IFRD1: variants seen among roughly 807,000 people sequenced by gnomAD.
The protein encoded by IFRD1 is interferon-related developmental regulator 1.
Under a neutral mutation model 52.9 loss-of-function variants are expected in IFRD1, and 35 were observed. The ratio of observed to expected loss-of-function variants is 0.66; its 90% CI spans 0.51 to 0.88. IFRD1 has a LOEUF of 0.88. IFRD1 is among the 40% of genes least tolerant of loss of function. IFRD1 has a pLI of 0.00. For synonymous variants in IFRD1, 184 were observed against 188.4 expected, an observed-to-expected ratio of 0.98 and a Z score of 0.19; for missense variants, 517 against 550.8, an observed-to-expected ratio of 0.94 and a Z score of 0.61.
chr7:112,471,111 G>A (rs1283595185), intron 9 of IFRD1, among the ~76,000 whole-genome samples: 2 of 152,196 alleles, frequency 1.3e-5, no homozygotes, highest in Non-Finnish European at 2.9e-5. Context: ...CTGAATTAAA[G>A]AAGATTGAAA....
intron 1 of IFRD1, among the ~76,000 whole-genome samples, chr7:112,436,396 G>A (rs980585293): frequency 6.6e-6 from 1 of 152,280 alleles, no homozygotes; most frequent in Non-Finnish European, 1.5e-5. Context: ...CAGCAGTGAT[G>A]AAAATGAATG....
At chr7:112,446,628 T>C (rs73428460), upstream of IFRD1, among the ~76,000 whole-genome samples, 1,231 of 151,238 alleles carry the variant, frequency 8.1e-3, 13 homozygotes, top group African/African-American at 0.028. Context: ...AGTGGGAGAG[T>C]AGGAAGGCCT....
At chr7:112,439,382 G>T (rs999994108) in intron 1 of IFRD1, among the ~76,000 whole-genome samples, 5 of 152,164 alleles carry the variant, frequency 3.3e-5, no homozygotes, top group African/African-American at 1.2e-4. Flanking sequence ...ATTGCCAAAT[G>T]GTATCATCAT....
At chr7:112,441,440 G>A (rs1390581577) in intron 1 of IFRD1, among the ~76,000 whole-genome samples, 9 of 145,026 alleles carry the variant, frequency 6.2e-5, no homozygotes, top group Non-Finnish European at 9.0e-5. Context: ...CACCATCTCA[G>A]AAAAAAAAAA....
In IFRD1 at chr7:112,450,559, T is replaced by A; in HGVS notation, c.-130T>A. On this transcript the variant is annotated 5_prime_UTR_variant, in exon 1 of 12. Transcript: ENST00000403825. ...CACCGCCCACTCTTACCCCCGCCGC[T>A]TCTCGACTCTGTTGTTAGCCGAAGA... is the stretch of plus-strand genomic sequence containing the variant. 1.4e-6 allele frequency: 1 copy of A among 721,100 alleles called. No homozygotes were observed. Among genetic ancestry groups the A allele is most frequent in the South Asian group, 1.5e-5 (1 of 66,612 alleles). 44.7% of individuals were successfully genotyped at this position (721,100 alleles called of 1,614,324 possible).
chr7:112,475,451 T>G lies in IFRD1; in HGVS notation c.1288T>G (p.Phe430Val), dbSNP rs926371388. The change falls in exon 12 of 12, where the codon TTC becomes GTC. Residue 430 changes from phenylalanine (F) to valine (V), a missense_variant. Coordinates refer to ENST00000403825, the MANE Select transcript of IFRD1 (RefSeq NM_001550.4). Reference protein sequence around the residue: ...FERHLYNSAAFKARTKARSKC... With the variant: ...FERHLYNSAAVKARTKARSKC... The stretch of plus-strand genomic sequence containing the variant: ...TTAGCATTTATATAACTCTGCAGCC[T>G]TCAAAGCTCGAACCAAAGCTAGAAG... 1.8e-5 allele frequency: 29 copies of G among 1,610,940 alleles called. No individual in the cohort carries two copies. The highest frequency in any genetic ancestry group is 2.2e-5 in the Non-Finnish European group (26 of 1,177,442).
At chr7:112,469,074 G>A (rs1795683749) in intron 9 of IFRD1, among the ~76,000 whole-genome samples, 2 of 152,136 alleles carry the variant, frequency 1.3e-5, no homozygotes, top group Admixed American at 1.3e-4. Flanking sequence ...AATTGTTTTT[G>A]GTAGGCCAGG....
At chr7:112,473,272 C>A (rs1483413883) in intron 11 of IFRD1, among the ~76,000 whole-genome samples, 2 of 151,842 alleles carry the variant, frequency 1.3e-5, no homozygotes, top group African/African-American at 4.8e-5. Flanking sequence ...TTATTTGTTT[C>A]TTTTTATTCT....
At chr7:112,433,349 C>T (rs946761577) in intron 1 of IFRD1, among the ~76,000 whole-genome samples, 7 of 152,160 alleles carry the variant, frequency 4.6e-5, no homozygotes, top group African/African-American at 1.7e-4. Context: ...AAGCTGTCCT[C>T]TTGTGCTGAA....
chr7:112,469,791 C>G (rs1357658980), intron 9 of IFRD1, among the ~76,000 whole-genome samples: 1 of 152,184 alleles, frequency 6.6e-6, no homozygotes, highest in Admixed American at 6.5e-5. Context: ...GTGTATTCCT[C>G]AGGCACTGTT....
chr7:112,444,830 A>ACC (rs1178954439), intron 1 of IFRD1, among the ~76,000 whole-genome samples: 1 of 152,114 alleles, frequency 6.6e-6, no homozygotes, highest in Non-Finnish European at 1.5e-5. Flanking sequence ...AAGAGTTGAA[A>ACC]AACTACTGGG....
chr7:112,459,725 A>G (rs549744562), intron 5 of IFRD1, among the ~76,000 whole-genome samples: 7 of 152,184 alleles, frequency 4.6e-5, no homozygotes, highest in Non-Finnish European at 1.0e-4. Flanking sequence ...AATTGGCTGG[A>G]ACCCCAGGCC....
intron 11 of IFRD1, among the ~76,000 whole-genome samples, chr7:112,475,021 T>C (rs890547009): frequency 2.6e-5 from 4 of 151,980 alleles, no homozygotes; most frequent in African/African-American, 4.8e-5. Flanking sequence ...TGCAGTGGCG[T>C]GATCTCGGCT....
intron 1 of IFRD1, among the ~76,000 whole-genome samples, chr7:112,451,783 T>A (rs189755152): frequency 2.6e-5 from 4 of 151,948 alleles, no homozygotes; most frequent in Non-Finnish European, 4.4e-5. Context: ...TAAACAGGAG[T>A]TAAATATTGG....
intron 1 of IFRD1, among the ~76,000 whole-genome samples, chr7:112,455,055 G>A (rs1430784329): frequency 6.6e-6 from 1 of 151,190 alleles, no homozygotes; most frequent in Admixed American, 6.6e-5. Context: ...GTAGAGACGG[G>A]GTTTCACCAT....
At chr7:112,435,876 CT>C (rs61293743) in intron 1 of IFRD1, among the ~76,000 whole-genome samples, 1,807 of 141,486 alleles carry the variant, frequency 0.013, 23 homozygotes, top group African/African-American at 0.039. Context: ...TTTTTTCTCT[CT>C]TTTTTTTTTT....
intron 2 of IFRD1, 63 bp downstream of exon 2, chr7:112,455,930 T>A: frequency 1.4e-6 from 2 of 1,450,700 alleles, no homozygotes; most frequent in South Asian, 2.3e-5. Context: ...GGAATTCTTG[T>A]AGCTAAAGTA....
intron 1 of IFRD1, among the ~76,000 whole-genome samples, chr7:112,445,426 GC>G (rs1373386468): frequency 6.6e-6 from 1 of 152,124 alleles, no homozygotes; most frequent in Non-Finnish European, 1.5e-5. Flanking sequence ...TGGGGAAGTT[GC>G]AAAACCTCTC....
chr7:112,445,355 C>T (rs1415085175), intron 1 of IFRD1, among the ~76,000 whole-genome samples: 1 of 152,028 alleles, frequency 6.6e-6, no homozygotes, highest in Admixed American at 6.5e-5. Flanking sequence ...TGTGAGTTAC[C>T]CCGCCCGGCC....
Sources: allele counts gnomAD v4.1 joint callset (sites outside exome capture counted in the v4.1 genomes callset), GRCh38; gene constraint gnomAD v4.1.1; transcripts MANE v1.5; gene names NCBI Gene and HGNC (gene_info 2026-07-23, HGNC 2026-07-21).